Variants in PTCHD4 observed in about 807,000 individuals in gnomAD.
PTCHD4 encodes the protein patched domain containing 4, also known as patched domain-containing protein 4.
In PTCHD4, 33 loss-of-function variants were observed where a neutral mutation model predicts 58.1. That is an observed-to-expected ratio of 0.57 (90% CI 0.43 to 0.76). PTCHD4 has a LOEUF of 0.76. Among genes scored for constraint, PTCHD4 ranks in the 30% least tolerant of loss-of-function variants. The probability of loss-of-function intolerance (pLI) is 0.00; values close to 1 mark genes in which losing one functional copy is unlikely to be tolerated. For synonymous variants in PTCHD4, 478 were observed against 409.6 expected (o/e 1.17, Z -2.02); for missense variants, 1,058 against 1,027.1 (o/e 1.03, Z -0.41).
chr6:47,888,543 T>TTA (rs1007551950), intron 4 of PTCHD4, among the ~76,000 whole-genome samples: 4 of 152,136 alleles, frequency 2.6e-5, no homozygotes, highest in South Asian at 4.1e-4. Context: ...GTTGTATATT[T>TTA]TATATATATA....
At chr6:48,031,601 C>A (rs766263009) in intron 3 of PTCHD4, among the ~76,000 whole-genome samples, 1 of 152,008 alleles carries the variant, frequency 6.6e-6, no homozygotes, top group African/African-American at 2.4e-5. Flanking sequence ...GAATAGAAGC[C>A]GTGGGGGGAA....
chr6:47,895,584 C>A (rs571433837), intron 4 of PTCHD4, among the ~76,000 whole-genome samples: 19 of 152,308 alleles, frequency 1.2e-4, no homozygotes, highest in Non-Finnish European at 1.9e-4. Flanking sequence ...AATTAAACAC[C>A]TACCATATGC....
chr6:48,087,250 G>A (rs1406890597), intron 1 of PTCHD4, among the ~76,000 whole-genome samples: 1 of 152,140 alleles, frequency 6.6e-6, no homozygotes. Context: ...CCTCTGGTCT[G>A]TCCAGTTTCT....
chr6:47,868,196 T>C lies in PTCHD4; in HGVS notation c.*10107A>G, dbSNP rs1458243982. 6.6e-6 allele frequency among the ~76,000 whole-genome samples: 1 copy of C among 151,680 alleles called. No homozygotes were observed. Among genetic ancestry groups the C allele is most frequent in the Non-Finnish European group, 1.5e-5 (1 of 67,800 alleles). On this transcript the variant is annotated 3_prime_UTR_variant, in exon 5 of 5. Transcript: ENST00000339488. ...AAATTTTTTCTCACTTTACCTTTTT[T>C]TTTAAAAAAACACCCTTGTCCTTAA...
chr6:48,034,055 C>A (rs1763544790), intron 3 of PTCHD4, among the ~76,000 whole-genome samples: 1 of 152,068 alleles, frequency 6.6e-6, no homozygotes, highest in Admixed American at 6.6e-5. Context: ...AAGTAACCAT[C>A]CATAAAATAA....
In PTCHD4 at chr6:47,886,319, G is replaced by T. The variant is rs112883585; in HGVS notation, c.899-6383C>A. On this transcript the variant is annotated intron_variant, in intron 4 of 4. Transcript: ENST00000339488. ...CTACTGAGTTTTTCTTTGCTATGTTGCTTTAATAAGCATGATCTGTGGGTT... is the reference window on the plus strand; with the variant it reads ...CTACTGAGTTTTTCTTTGCTATGTTTCTTTAATAAGCATGATCTGTGGGTT... 5.3e-3 allele frequency among the ~76,000 whole-genome samples: 810 copies of T among 152,096 alleles called. 16 individuals carry two copies. The highest frequency in any genetic ancestry group is 0.026 in the East Asian group (134 of 5,164).
At chr6:48,108,796 G>T (rs7776201) in intron 1 of PTCHD4, among the ~76,000 whole-genome samples, 23,404 of 151,574 alleles carry the variant, frequency 0.15, 1,858 homozygotes, top group African/African-American at 0.2. Flanking sequence ...GATAAATCTA[G>T]GCTTCATAAT....
At position 47,863,040 on chromosome 6, in the gene PTCHD4, G is replaced by A. The variant is rs574551938; in HGVS notation, c.*15263C>T. ...ATTTTAATTTCAAGTAGCATTTCGT[G>A]ATAATATAGGAACAAAAAGATCTTC... On this transcript the variant is annotated 3_prime_UTR_variant, in exon 5 of 5. Transcript: ENST00000339488. Among the ~76,000 whole-genome samples the A allele has an allele frequency of 6.6e-6, 1 of 151,952 alleles. No individual in the cohort carries two copies. The highest frequency in any genetic ancestry group is 1.9e-4 in the East Asian group (1 of 5,132).
intron 4 of PTCHD4, among the ~76,000 whole-genome samples, chr6:47,995,270 A>C (rs1464212733): frequency 1.3e-5 from 2 of 152,194 alleles, no homozygotes; most frequent in African/African-American, 2.4e-5. Context: ...GGGGCTAGCA[A>C]GGTGAGCATC....
chr6:47,908,454 G>C (rs1764970286), intron 4 of PTCHD4, among the ~76,000 whole-genome samples: 1 of 152,162 alleles, frequency 6.6e-6, no homozygotes. Flanking sequence ...CCAGGACAGA[G>C]AGCTGATTCT....
At chr6:48,074,123 A>G (rs1765020324) in intron 1 of PTCHD4, among the ~76,000 whole-genome samples, 1 of 151,816 alleles carries the variant, frequency 6.6e-6, no homozygotes, top group Non-Finnish European at 1.5e-5. Context: ...GATTAGCCTC[A>G]TCGCTTGGCT....
intron 3 of PTCHD4, among the ~76,000 whole-genome samples, chr6:48,052,123 G>A (rs1330354223): frequency 6.6e-6 from 1 of 151,970 alleles, no homozygotes; most frequent in Non-Finnish European, 1.5e-5. Context: ...CAAATACAGG[G>A]AGGAGAAAGT....
At position 48,068,664 on chromosome 6, in the gene PTCHD4, T is replaced by G. The variant is rs963056133; in HGVS notation, c.6-23A>C. On this transcript the variant is annotated intron_variant, in intron 2 of 4. Coordinates refer to ENST00000339488, the MANE Select transcript of PTCHD4 (RefSeq NM_001384253.1). This position sits in a 1 kb window ranked among gnomAD's most constrained non-coding sequence, Gnocchi z 4.2. ...CGTCTTAAAAAGCACATGTGACATG[T>G]GTAAGCGCCGGGCTACCCCGTTCTC... The G allele has an allele frequency of 6.5e-7, 1 of 1,526,938 alleles. No homozygotes were observed. Among genetic ancestry groups the G allele is most frequent in the Admixed American group, 2.0e-5 (1 of 50,570 alleles). The allele number at this position is 1,526,938 out of a possible 1,614,324, so 94.6% of individuals were successfully genotyped here. A position where few individuals can be genotyped will look rare whatever the true frequency, so the allele number is the denominator to read the frequency against.
rs1045158623 is a variant in PTCHD4 at position 47,878,870 on chromosome 6, T to C, written c.1965A>G (p.Thr655=). 1.9e-6 allele frequency: 3 copies of C among 1,613,732 alleles called. No homozygotes were observed. Among genetic ancestry groups the C allele is most frequent in the Middle Eastern group, 1.7e-4 (1 of 6,058 alleles). ...VFMDHYSLSV[T]VPVLIAGFGV... ...CAAAGCCTGCAATCAGAACAGGCAC[T>C]GTGACAGACAAGCTGTAATGGTCCA... The change falls in exon 5 of 5, where the codon ACA becomes ACG. Residue 655 remains threonine (T), a synonymous_variant. Coordinates refer to ENST00000339488, the MANE Select transcript of PTCHD4 (RefSeq NM_001384253.1).
At chr6:47,957,578 T>A (rs1303318069) in intron 4 of PTCHD4, among the ~76,000 whole-genome samples, 1 of 150,604 alleles carries the variant, frequency 6.6e-6, no homozygotes, top group African/African-American at 2.4e-5. Flanking sequence ...GACAAGTTTT[T>A]TTTTTTATTT....
intron 3 of PTCHD4, among the ~76,000 whole-genome samples, chr6:48,040,719 G>A (rs566437502): frequency 2.0e-5 from 3 of 152,150 alleles, no homozygotes; most frequent in African/African-American, 7.2e-5. Context: ...TCTGTGAAAT[G>A]GATACTATTA....
chr6:47,958,400 T>A (rs540542330), intron 4 of PTCHD4, among the ~76,000 whole-genome samples: 192 of 152,142 alleles, frequency 1.3e-3, no homozygotes, highest in Non-Finnish European at 1.9e-3. Flanking sequence ...CTATATGAAA[T>A]AGTGTTTTTC....
At chr6:47,961,837 C>T (rs971176173) in intron 4 of PTCHD4, among the ~76,000 whole-genome samples, 1 of 152,100 alleles carries the variant, frequency 6.6e-6, no homozygotes, top group African/African-American at 2.4e-5. Context: ...AATCAGACAT[C>T]TCAGTTTCCA....
At chr6:47,998,989 A>G (rs1768610126) in intron 4 of PTCHD4, among the ~76,000 whole-genome samples, 1 of 152,238 alleles carries the variant, frequency 6.6e-6, no homozygotes, top group Non-Finnish European at 1.5e-5. Flanking sequence ...AAAGCCACCA[A>G]TAAGTCAATG....
Sources: allele counts gnomAD v4.1 joint callset (sites outside exome capture counted in the v4.1 genomes callset), GRCh38; gene constraint gnomAD v4.1.1; non-coding constraint Gnocchi (gnomAD v3.1); transcripts MANE v1.5; gene names NCBI Gene and HGNC (gene_info 2026-07-23, HGNC 2026-07-21).